ZNF717: variants seen among roughly 807,000 people sequenced by gnomAD.
The protein encoded by ZNF717 is krueppel-like factor X17.
In ZNF717, 9 loss-of-function variants were observed where a neutral mutation model predicts 13.8. The observed-to-expected ratio is 0.65, with a 90% CI of 0.39 to 1.14. ZNF717 has a LOEUF of 1.14. Among genes scored for constraint, ZNF717 ranks in the 50% most tolerant of loss-of-function variants. ZNF717 has a pLI of 0.01. For missense variants in ZNF717, 1,040 were observed against 1,080.7 expected (o/e 0.96, Z 0.53); for synonymous variants, 327 against 364.1 (o/e 0.90, Z 1.16).
intron 2 of ZNF717, among the ~76,000 whole-genome samples, chr3:75,772,509 G>C (rs1943979315): frequency 6.6e-6 from 1 of 152,200 alleles, no homozygotes; most frequent in South Asian, 2.1e-4. Context: ...CAAGCTTCTG[G>C]GCACCACTGC....
chr3:75,779,758 A>C (rs1488840331), intron 2 of ZNF717, among the ~76,000 whole-genome samples: 1 of 146,912 alleles, frequency 6.8e-6, no homozygotes, highest in African/African-American at 2.5e-5. Flanking sequence ...GTGCTAAACC[A>C]GAAACCCAAA....
At chr3:75,785,077 G>C (rs551164728) in intron 1 of ZNF717, 34 of 152,364 alleles carry the variant, frequency 2.2e-4, no homozygotes, top group African/African-American at 6.7e-4. Context: ...TTGCTAAAGA[G>C]ACACCGGGAA....
At chr3:75,754,386 G>C (rs1000894153) in intron 2 of ZNF717, among the ~76,000 whole-genome samples, 8 of 152,058 alleles carry the variant, frequency 5.3e-5, no homozygotes, top group African/African-American at 1.9e-4. Context: ...TGTAGCAACA[G>C]AGCAAGCTTC....
chr3:75,778,279 G>T lies in ZNF717; in HGVS notation c.57+5027C>A, dbSNP rs779269002. On this transcript the variant is annotated intron_variant, in intron 2 of 4. Coordinates refer to ENST00000652011, the MANE Select transcript of ZNF717 (RefSeq NM_001290208.3). The stretch of plus-strand genomic sequence containing the variant: ...GAACCCAAAACAATGGGAGTGACAT[G>T]CTAAAACTGGAACCCAAAACAATGG... 9.9e-5 allele frequency among the ~76,000 whole-genome samples: 15 copies of T among 151,732 alleles called. 1 individual carries two copies. Among genetic ancestry groups the T allele is most frequent in the Non-Finnish European group, 2.9e-5 (2 of 67,962 alleles).
chr3:75,778,290 A>G (rs1438428609), intron 2 of ZNF717, among the ~76,000 whole-genome samples: 4 of 152,050 alleles, frequency 2.6e-5, no homozygotes, highest in Non-Finnish European at 5.9e-5. Flanking sequence ...CTAAAACTGG[A>G]ACCCAAAACA....
downstream of ZNF717, among the ~76,000 whole-genome samples, chr3:75,734,731 GGCT>G (rs1226701341): frequency 1.3e-5 from 2 of 148,258 alleles, no homozygotes; most frequent in African/African-American, 5.0e-5. Flanking sequence ...CACCGTACCT[GGCT>G]GCTTTTTATT....
chr3:75,759,847 G>A (rs1484897520), intron 2 of ZNF717, among the ~76,000 whole-genome samples: 2 of 151,922 alleles, frequency 1.3e-5, no homozygotes, highest in Admixed American at 6.5e-5. Flanking sequence ...GGGATTACAG[G>A]TGTAAGCCAC....
Position 75,741,343 on chromosome 3 carries a change from C to T in ZNF717, c.210G>A (p.Met70Ile), listed in dbSNP as rs1278674275. The T allele has an allele frequency of 3.9e-6, 6 of 1,549,112 alleles. No homozygotes were observed. The highest frequency in any genetic ancestry group is 4.4e-6 in the Non-Finnish European group (5 of 1,144,810). The stretch of plus-strand genomic sequence containing the variant: ...CTGCTCCTTGCTCTAGCTTGAAGAT[C>T]ATCTCAGGTTTGGTAATGTAATGCC... ...SLGHYITKPE[M>I]IFKLEQGAEP... is the part of the protein sequence containing the mutation. Residue 70 changes from methionine to isoleucine, a missense_variant, in exon 4 of 5, where the codon ATG becomes ATA. Transcript: ENST00000652011.
intron 2 of ZNF717, among the ~76,000 whole-genome samples, chr3:75,747,163 T>G (rs1241798956): frequency 6.6e-6 from 1 of 152,108 alleles, no homozygotes; most frequent in East Asian, 1.9e-4. Context: ...AAAGATCAGA[T>G]AGTTGTAGAT....
chr3:75,757,096 C>T (rs533380339), intron 2 of ZNF717, among the ~76,000 whole-genome samples: 165 of 152,364 alleles, frequency 1.1e-3, no homozygotes, highest in African/African-American at 3.6e-3. Context: ...CATAAAAGTG[C>T]AAGATAAAGC....
intron 5 of ZNF717, among the ~76,000 whole-genome samples, chr3:75,712,202 C>T (rs1352811872): frequency 2.1e-4 from 32 of 151,756 alleles, no homozygotes; most frequent in Non-Finnish European, 4.6e-4. Context: ...AATCTCCATC[C>T]TCAAACTAGG....
Position 75,736,055 on chromosome 3 carries a change from T to C in ZNF717, c.*823A>G, listed in dbSNP as rs1392574902. The C allele has an allele frequency of 2.6e-5, 4 of 152,224 alleles. No homozygotes were observed. The highest frequency in any genetic ancestry group is 1.3e-4 in the Admixed American group (2 of 15,284). The allele number at this position is 152,224 out of a possible 1,614,324, so 9.4% of individuals were successfully genotyped here. ...AAGATTTTAGTTATCACATCTGTTA[T>C]GATCTGTGATCAGTGATTTCTGATG... On this transcript the variant is annotated 3_prime_UTR_variant, in exon 5 of 5. Coordinates refer to ENST00000652011, the MANE Select transcript of ZNF717 (RefSeq NM_001290208.3).
intron 6 of ZNF717, among the ~76,000 whole-genome samples, chr3:75,696,437 C>T (rs1310481116): frequency 1.2e-4 from 18 of 152,380 alleles, no homozygotes; most frequent in Admixed American, 3.3e-4. Flanking sequence ...AAGCAAACTA[C>T]AGGCCCATAT....
intron 2 of ZNF717, among the ~76,000 whole-genome samples, chr3:75,760,909 GA>G (rs60532141): frequency 1.3e-5 from 2 of 151,174 alleles, no homozygotes. Context: ...GCCATATTAA[GA>G]AAAAAAGAGA....
At chr3:75,759,794 C>T (rs1942817047) in intron 2 of ZNF717, among the ~76,000 whole-genome samples, 1 of 151,456 alleles carries the variant, frequency 6.6e-6, no homozygotes, top group Non-Finnish European at 1.5e-5. Context: ...GTCTCAAACT[C>T]CTGACCTCAT....
intron 2 of ZNF717, among the ~76,000 whole-genome samples, chr3:75,742,603 G>A (rs1256951685): frequency 6.6e-6 from 1 of 152,138 alleles, no homozygotes; most frequent in Non-Finnish European, 1.5e-5. Context: ...AAGGCAAAGA[G>A]AACACACACC....
chr3:75,702,972 T>C (rs1162297640), intron 6 of ZNF717, among the ~76,000 whole-genome samples: 115 of 152,190 alleles, frequency 7.6e-4, no homozygotes, highest in African/African-American at 2.5e-3. Flanking sequence ...TAGCTCTCAG[T>C]CAATCAATCC....
At chr3:75,701,362 C>A (rs1334485614) in intron 6 of ZNF717, among the ~76,000 whole-genome samples, 1 of 152,132 alleles carries the variant, frequency 6.6e-6, no homozygotes, top group Non-Finnish European at 1.5e-5. Context: ...TTAATTAAAC[C>A]CATTTCCTTT....
intron 6 of ZNF717, among the ~76,000 whole-genome samples, chr3:75,699,059 C>G (rs71249003): frequency 9.4e-6 from 1 of 106,296 alleles, no homozygotes; most frequent in Non-Finnish European, 2.2e-5. Flanking sequence ...CAGTAACTGC[C>G]ATTCTGGGTT....
Sources: allele counts gnomAD v4.1 joint callset (sites outside exome capture counted in the v4.1 genomes callset), GRCh38; gene constraint gnomAD v4.1.1; transcripts MANE v1.5; gene names NCBI Gene and HGNC (gene_info 2026-07-23, HGNC 2026-07-21).